Variants in NCK1 observed in about 807,000 individuals in gnomAD.
NCK1 encodes NCK adaptor protein 1.
NCK1 carries 19 observed loss-of-function variants against 36.6 expected under a neutral mutation model. The observed-to-expected ratio is 0.52, with a 90% CI of 0.36 to 0.76. The LOEUF is 0.76. Ranked by LOEUF, NCK1 falls within the 30% of genes least tolerant of loss-of-function variation. The pLI, the probability that NCK1 is intolerant of heterozygous loss-of-function variation, is 0.00. For missense variants in NCK1, 358 were observed against 445.6 expected (o/e 0.80, Z 1.77); for synonymous variants, 165 against 156.0 (o/e 1.06, Z -0.43).
chr3:136,945,067 G>C (rs1409856649), intron 2 of NCK1, among the ~76,000 whole-genome samples: 1 of 152,170 alleles, frequency 6.6e-6, no homozygotes, highest in Non-Finnish European at 1.5e-5. Context: ...ACCTGGGTCT[G>C]GGAACCAAGA....
rs781018015 is a variant in NCK1, at chr3:136,946,309, C to T, written c.939+14C>T. The stretch of plus-strand genomic sequence containing the variant: ...AGTGAATCTTCGGTAAGTTGATTTT[C>T]GGAGGTAAATACAAATAGAGCTCTG... On this transcript the variant is annotated intron_variant, in intron 3 of 3. Coordinates refer to ENST00000481752, the MANE Select transcript of NCK1 (RefSeq NM_001291999.2). 2.5e-6 allele frequency: 4 copies of T among 1,584,806 alleles called. No individual in the cohort carries two copies. Among genetic ancestry groups the T allele is most frequent in the East Asian group, 4.5e-5 (2 of 44,628 alleles).
chr3:136,887,923 T>TTTTC (rs139549861), intron 1 of NCK1, among the ~76,000 whole-genome samples: 75 of 149,472 alleles, frequency 5.0e-4, no homozygotes, highest in African/African-American at 1.0e-3. Flanking sequence ...TTATTGTTTC[T>TTTTC]TTTCTTTCTT....
intron 2 of NCK1, chr3:136,930,385 G>GA (rs1185558142): frequency 1.0e-5 from 12 of 1,146,762 alleles, no homozygotes; most frequent in African/African-American, 1.6e-5. Context: ...TAATTTAGAG[G>GA]AAAAAAAAGT....
At chr3:136,908,527 C>T (rs1286096624) in intron 1 of NCK1, among the ~76,000 whole-genome samples, 1 of 152,170 alleles carries the variant, frequency 6.6e-6, no homozygotes, top group Non-Finnish European at 1.5e-5. Flanking sequence ...ATAAGATCAT[C>T]AGGGCTGAAA....
At chr3:136,898,788 C>T (rs763822355) in intron 1 of NCK1, among the ~76,000 whole-genome samples, 1 of 152,158 alleles carries the variant, frequency 6.6e-6, no homozygotes, top group Non-Finnish European at 1.5e-5. Context: ...TAGAAAAGAA[C>T]GGCATGTGAT....
intron 2 of NCK1, among the ~76,000 whole-genome samples, chr3:136,941,081 T>G (rs1344723760): frequency 1.3e-5 from 2 of 151,686 alleles, no homozygotes; most frequent in Admixed American, 6.6e-5. Flanking sequence ...TTCTTTCAAT[T>G]CTTCTATTAC....
intron 1 of NCK1, among the ~76,000 whole-genome samples, chr3:136,868,667 ATCTCT>A (rs897600178): frequency 6.6e-6 from 1 of 152,154 alleles, no homozygotes; most frequent in Non-Finnish European, 1.5e-5. Flanking sequence ...TAAAAAATGA[ATCTCT>A]TACAGGTTTT....
intron 1 of NCK1, among the ~76,000 whole-genome samples, chr3:136,875,931 A>G (rs1422854565): frequency 6.6e-6 from 1 of 152,096 alleles, no homozygotes; most frequent in African/African-American, 2.4e-5. Context: ...AATATAAAAG[A>G]ACAGAAATTA....
chr3:136,896,161 C>G (rs1014200281), intron 1 of NCK1, among the ~76,000 whole-genome samples: 2 of 152,172 alleles, frequency 1.3e-5, no homozygotes, highest in African/African-American at 4.8e-5. Context: ...GTCCTCTCTT[C>G]TATCTACTTT....
At chr3:136,891,763 G>A (rs1331317459) in intron 1 of NCK1, among the ~76,000 whole-genome samples, 3 of 152,102 alleles carry the variant, frequency 2.0e-5, no homozygotes, top group Non-Finnish European at 4.4e-5. Flanking sequence ...TGGTATTATT[G>A]TGGTTTTGAT....
In NCK1 at chr3:136,950,571, A is replaced by G. The variant is rs965546452; in HGVS notation, c.*2118A>G. ...TAAAAAGTCTTAATCCAATGCTTAT[A>G]CCAGTGACTGTTTTTATAATACTTG... On this transcript the variant is annotated 3_prime_UTR_variant, in exon 4 of 4. Coordinates refer to ENST00000481752, the MANE Select transcript of NCK1 (RefSeq NM_001291999.2). Among the ~76,000 whole-genome samples, 3 of 152,186 alleles carry G rather than the reference A, an allele frequency of 2.0e-5. No homozygotes were observed. Among genetic ancestry groups the G allele is most frequent in the African/African-American group, 7.2e-5 (3 of 41,460 alleles).
intron 1 of NCK1, among the ~76,000 whole-genome samples, chr3:136,919,077 T>A (rs1442803662): frequency 2.0e-5 from 3 of 152,208 alleles, no homozygotes; most frequent in Non-Finnish European, 4.4e-5. Context: ...ACAAATGCAT[T>A]ATGTTAACTG....
At chr3:136,923,748 G>C (rs1940173443) in intron 1 of NCK1, among the ~76,000 whole-genome samples, 1 of 152,064 alleles carries the variant, frequency 6.6e-6, no homozygotes, top group Non-Finnish European at 1.5e-5. Flanking sequence ...AAACATGTTT[G>C]ATATTTAAAC....
chr3:136,945,854 T>A lies in NCK1; in HGVS notation c.498T>A (p.Ser166Arg), dbSNP rs1212882193. 1 of 1,614,150 alleles carries A rather than the reference T, an allele frequency of 6.2e-7. No individual in the cohort carries two copies. The highest frequency in any genetic ancestry group is 2.2e-5 in the East Asian group (1 of 44,874). The change falls in exon 3 of 4, where the codon AGT becomes AGA. Residue 166 changes from serine to arginine, a missense_variant. By Grantham distance (110) the Ser-to-Arg change is moderately radical (BLOSUM62 -1). This residue lies in a region of NCK1 where 207 missense variants were observed against 253.4 expected (regional missense o/e 0.82). Transcript: ENST00000481752. The stretch of plus-strand genomic sequence containing the variant: ...ACTATGTAACTGAAGAAGGTGACAG[T>A]CCTTTGGGTGACCATGTGGGTTCTC... ...PSNYVTEEGD[S>R]PLGDHVGSLS...
intron 3 of NCK1, among the ~76,000 whole-genome samples, chr3:136,947,643 A>G (rs1344868310): frequency 6.6e-6 from 1 of 152,152 alleles, no homozygotes; most frequent in Non-Finnish European, 1.5e-5. Context: ...CACAGCTGAG[A>G]AGTCACCACT....
chr3:136,867,061 TTTC>T (rs1456692895), intron 1 of NCK1, among the ~76,000 whole-genome samples: 3 of 212 alleles, frequency 0.014, no homozygotes, highest in Admixed American at 0.029. Context: ...TCTTTCTTTC[TTTC>T]TTTCTTTCTT....
At chr3:136,932,223 T>G (rs1940411145) in intron 2 of NCK1, among the ~76,000 whole-genome samples, 1 of 152,200 alleles carries the variant, frequency 6.6e-6, no homozygotes, top group South Asian at 2.1e-4. Flanking sequence ...TCTTAGGAAG[T>G]TGATAGTTAA....
In NCK1 at chr3:136,887,531, G is replaced by A. The variant is rs534161541; in HGVS notation, c.-19+25178G>A. ...AAAGTTTATATTTTCCTGTGCCTTAGTATCGACTTGCAGTGAATTAGTTGA... is the reference window on the plus strand; with the variant it reads ...AAAGTTTATATTTTCCTGTGCCTTAATATCGACTTGCAGTGAATTAGTTGA... On this transcript the variant is annotated intron_variant, in intron 1 of 3. Transcript: ENST00000481752. 3.9e-5 allele frequency among the ~76,000 whole-genome samples: 6 copies of A among 152,328 alleles called. No homozygotes were observed. The South Asian group carries it at 1.2e-3, about 32-fold the overall frequency.
chr3:136,947,898 C>A (rs1273774478), intron 3 of NCK1, among the ~76,000 whole-genome samples: 1 of 152,094 alleles, frequency 6.6e-6, no homozygotes, highest in Non-Finnish European at 1.5e-5. Context: ...TCATGTGTTT[C>A]TCTGACTGGA....
Sources: gnomAD v4.1 joint callset for allele counts (sites outside exome capture counted in the v4.1 genomes callset) on GRCh38, gnomAD v4.1.1 for gene constraint, gnomAD v4.1.1 regional missense constraint, MANE v1.5 for transcripts, NCBI Gene and HGNC (gene_info 2026-07-23, HGNC 2026-07-21) for gene names.